Variants in POLN observed in about 807,000 individuals in gnomAD.
The protein encoded by POLN is DNA polymerase N.
In POLN, 108 loss-of-function variants were observed where a neutral mutation model predicts 113.5. That is an observed-to-expected ratio of 0.95 (90% CI 0.81 to 1.12). The LOEUF (loss-of-function observed/expected upper bound fraction) is 1.12. Ranked by LOEUF, POLN falls within the 50% of genes most tolerant of loss-of-function variation. The pLI is 0.00. For synonymous variants in POLN, 386 were observed against 391.5 expected (o/e 0.99, Z 0.17); for missense variants, 1,097 against 1,077.1 (o/e 1.02, Z -0.26).
chr4:2,163,057 G>A (rs966602600), intron 13 of POLN, among the ~76,000 whole-genome samples: 4 of 128,940 alleles, frequency 3.1e-5, no homozygotes, highest in Non-Finnish European at 6.3e-5. Flanking sequence ...AAAAACTCCT[G>A]CCAGGATTTT....
At chr4:2,177,758 T>C (rs1159073877) in intron 8 of POLN, among the ~76,000 whole-genome samples, 1 of 152,244 alleles carries the variant, frequency 6.6e-6, no homozygotes, top group African/African-American at 2.4e-5. Flanking sequence ...CCTGACGGCA[T>C]GAAGTGTGGG....
intron 2 of POLN, chr4:2,240,913 T>G (rs1734962564): frequency 6.3e-7 from 1 of 1,598,166 alleles, no homozygotes; most frequent in African/African-American, 1.3e-5. Context: ...CCAATTTTTT[T>G]TAATGTTTCC....
At chr4:2,096,048 C>A in intron 19 of POLN, 115 bp from the exon 20 acceptor site, 1 of 890,968 alleles carries the variant, frequency 1.1e-6, no homozygotes, top group South Asian at 1.4e-5. Context: ...CTTATGCTTT[C>A]ATGGTGGCCG....
At chr4:2,187,278 C>G (rs1733300860) in intron 7 of POLN, among the ~76,000 whole-genome samples, 1 of 152,130 alleles carries the variant, frequency 6.6e-6, no homozygotes, top group Admixed American at 6.5e-5. Flanking sequence ...GAGTCTTGCT[C>G]TGTTGCTCAG....
chr4:2,215,823 C>G (rs1426095617), intron 3 of POLN, among the ~76,000 whole-genome samples: 1 of 152,210 alleles, frequency 6.6e-6, no homozygotes, highest in Non-Finnish European at 1.5e-5. Flanking sequence ...TGAACTACAT[C>G]TTGCTGCAGC....
intron 3 of POLN, among the ~76,000 whole-genome samples, chr4:2,223,593 T>C (rs1734315689): frequency 1.3e-5 from 2 of 152,272 alleles, no homozygotes; most frequent in South Asian, 4.2e-4. Flanking sequence ...TATAGTGAAC[T>C]TACACAAACC....
At chr4:2,146,691 C>T (rs543984028) in intron 16 of POLN, among the ~76,000 whole-genome samples, 1 of 152,182 alleles carries the variant, frequency 6.6e-6, no homozygotes, top group East Asian at 1.9e-4. Flanking sequence ...GGACATGTCC[C>T]CTGCACTGAA....
intron 15 of POLN, 62 bp downstream of exon 15, chr4:2,157,796 G>C (rs1732473650): frequency 1.2e-6 from 1 of 823,694 alleles, no homozygotes; most frequent in Non-Finnish European, 1.9e-6. Context: ...GGTTCTATAT[G>C]TATCTGAACT....
chr4:2,227,300 A>C (rs1249499801), intron 3 of POLN, among the ~76,000 whole-genome samples: 1 of 152,170 alleles, frequency 6.6e-6, no homozygotes, highest in Non-Finnish European at 1.5e-5. Flanking sequence ...GTCTACAAGA[A>C]ACTGAATTCT....
chr4:2,150,545 T>A (rs1235168220), intron 16 of POLN, among the ~76,000 whole-genome samples: 1 of 152,014 alleles, frequency 6.6e-6, no homozygotes, highest in Non-Finnish European at 1.5e-5. Flanking sequence ...TTTTCTTTTT[T>A]AAAAAAACAA....
rs1257925827 is a variant in POLN at position 2,131,013 on chromosome 4, C to CA, written c.1789+219dup. Among the ~76,000 whole-genome samples the CA allele has an allele frequency of 2.0e-5, 3 of 152,156 alleles. No individual in the cohort carries two copies. In the East Asian group the frequency reaches 5.8e-4, roughly 29 times the overall value. On this transcript the variant is annotated intron_variant, in intron 17 of 25. Transcript: ENST00000511885. ...ACAATATGGCAAAGCCTCATCTCCACAAAAAATACACACACATACAAATTA... is the reference window on the plus strand; with the variant it reads ...ACAATATGGCAAAGCCTCATCTCCACAAAAAAATACACACACATACAAATTA...
intron 8 of POLN, among the ~76,000 whole-genome samples, chr4:2,176,809 C>A (rs960606420): frequency 2.6e-5 from 4 of 152,146 alleles, no homozygotes; most frequent in Admixed American, 2.6e-4. Context: ...TGGGAGATGA[C>A]AAACAAGGGT....
chr4:2,241,008 A>G, intron 2 of POLN: 8 of 1,290,662 alleles, frequency 6.2e-6, no homozygotes, highest in Non-Finnish European at 8.6e-6. Flanking sequence ...TTTTTAGAAA[A>G]TAAATCCAAG....
intron 19 of POLN, among the ~76,000 whole-genome samples, chr4:2,123,773 C>A (rs944031367): frequency 6.6e-6 from 1 of 151,886 alleles, no homozygotes; most frequent in Non-Finnish European, 1.5e-5. Flanking sequence ...CCTCTGCTCT[C>A]CAGCCTAGGG....
At chr4:2,177,571 T>C (rs547853631) in intron 8 of POLN, among the ~76,000 whole-genome samples, 1 of 152,378 alleles carries the variant, frequency 6.6e-6, no homozygotes, top group African/African-American at 2.4e-5. Flanking sequence ...GGCTGCCTCT[T>C]TTCTGCCTCG....
chr4:2,212,658 T>C (rs1734020216), intron 4 of POLN, among the ~76,000 whole-genome samples: 1 of 152,090 alleles, frequency 6.6e-6, no homozygotes, highest in Non-Finnish European at 1.5e-5. Flanking sequence ...CGTGCTGGGA[T>C]TACCTGTGTG....
intron 5 of POLN, among the ~76,000 whole-genome samples, chr4:2,204,749 A>G (rs571935973): frequency 1.3e-5 from 2 of 152,356 alleles, no homozygotes; most frequent in South Asian, 4.1e-4. Flanking sequence ...ACCATGATCA[A>G]GTGGGTTTCA....
intron 5 of POLN, among the ~76,000 whole-genome samples, chr4:2,206,749 T>C (rs910041784): frequency 2.0e-5 from 3 of 152,094 alleles, no homozygotes; most frequent in Non-Finnish European, 4.4e-5. Context: ...CAAAAAATAA[T>C]AGATATTGGC....
intron 19 of POLN, among the ~76,000 whole-genome samples, chr4:2,118,173 T>C (rs1020261271): frequency 1.3e-5 from 2 of 152,248 alleles, no homozygotes; most frequent in Non-Finnish European, 2.9e-5. Flanking sequence ...TACCCTTTTT[T>C]ACTCTCTTTT....
Sources: allele counts gnomAD v4.1 joint callset (sites outside exome capture counted in the v4.1 genomes callset), GRCh38; gene constraint gnomAD v4.1.1; transcripts MANE v1.5; gene names NCBI Gene and HGNC (gene_info 2026-07-23, HGNC 2026-07-21).